EREG: variants seen among roughly 807,000 people sequenced by gnomAD.
The protein encoded by EREG is proepiregulin.
A neutral mutation model predicts 22.4 loss-of-function variants in EREG; 23 were observed. The observed-to-expected ratio is 1.03, with a 90% CI of 0.74 to 1.46. The LOEUF is 1.46. Among genes scored for constraint, EREG ranks in the 40% most tolerant of loss-of-function variants. The pLI is 0.00. For missense variants in EREG, 226 were observed against 205.9 expected (o/e 1.10, Z -0.60); for synonymous variants, 100 against 75.4 (o/e 1.33, Z -1.69).
chr4:74,375,705 G>A (rs1171836964), intron 1 of EREG, among the ~76,000 whole-genome samples: 1 of 151,972 alleles, frequency 6.6e-6, no homozygotes, highest in African/African-American at 2.4e-5. Context: ...TCATTGGATC[G>A]CATTCACTCT....
At chr4:74,376,295 C>T (rs956144937) in intron 1 of EREG, among the ~76,000 whole-genome samples, 3 of 152,106 alleles carry the variant, frequency 2.0e-5, no homozygotes, top group African/African-American at 7.2e-5. Context: ...TTTTTTCCCC[C>T]TGGCTAGCAT....
chr4:74,383,154 T>C (rs1262298473), intron 4 of EREG, among the ~76,000 whole-genome samples: 1 of 152,230 alleles, frequency 6.6e-6, no homozygotes, highest in Non-Finnish European at 1.5e-5. Context: ...ATAAGTCAAA[T>C]TGAGAGTATC....
Position 74,381,036 on chromosome 4 carries a change from T to C in EREG, c.177T>C (p.Arg59=). 2 of 1,613,676 alleles carry C rather than the reference T, an allele frequency of 1.2e-6. No homozygotes were observed. The highest frequency in any genetic ancestry group is 1.7e-6 in the Non-Finnish European group (2 of 1,179,784). ...CAGTTCAGACAGAAGACAATCCACGTGTGGCTCAAGTGTCAATAACAAAGT... is the reference window on the plus strand; with the variant it reads ...CAGTTCAGACAGAAGACAATCCACGCGTGGCTCAAGTGTCAATAACAAAGT... The part of the protein sequence containing the change: ...TALVQTEDNP[R]VAQVSITKCS... The change falls in exon 3 of 5, where the codon CGT becomes CGC. Residue 59 remains arginine (R), a synonymous_variant. Coordinates refer to ENST00000244869, the MANE Select transcript of EREG (RefSeq NM_001432.3).
intron 1 of EREG, 97 bp from the exon 2 acceptor site, chr4:74,379,351 C>T: frequency 1.4e-6 from 1 of 721,746 alleles, no homozygotes; most frequent in East Asian, 2.5e-5. Flanking sequence ...ATCTGTGAAA[C>T]AAAACAACTC....
intron 1 of EREG, among the ~76,000 whole-genome samples, chr4:74,373,642 ATAAG>A (rs1752330091): frequency 9.4e-6 from 1 of 106,044 alleles, no homozygotes; most frequent in Non-Finnish European, 2.0e-5. Context: ...ATATTTATAT[ATAAG>A]TAATATATGT....
chr4:74,368,247 C>T (rs545734475), intron 1 of EREG, among the ~76,000 whole-genome samples: 40 of 152,286 alleles, frequency 2.6e-4, no homozygotes, highest in African/African-American at 9.4e-4. Context: ...TAAAAGGTGA[C>T]TATTCTCTTA....
At position 74,365,218 on chromosome 4, in the gene EREG, A is replaced by C; in HGVS notation, c.-91A>C. ...CCTTCTAGGCTGACAGCCGCTCTCC[A>C]GCCACTGCCGCGAGCCCGTCTGCTC... On this transcript the variant is annotated 5_prime_UTR_variant, in exon 1 of 5. Coordinates refer to ENST00000244869, the MANE Select transcript of EREG (RefSeq NM_001432.3). The C allele has an allele frequency of 2.0e-6, 2 of 999,812 alleles. No individual in the cohort carries two copies. Among genetic ancestry groups the C allele is most frequent in the Non-Finnish European group, 3.1e-6 (2 of 652,364 alleles). 61.9% of individuals were successfully genotyped at this position (999,812 alleles called of 1,614,324 possible).
rs1373776892 is a variant in EREG at position 74,386,314 on chromosome 4, T to G, written c.*1506T>G. On this transcript the variant is annotated 3_prime_UTR_variant, in exon 5 of 5. Transcript: ENST00000244869. ...AAGGCATAATAAGCCATGGCTGACC[T>G]CTGGAGCACCAGGTGCCAGGACTTG... 1 of 152,958 alleles carries G rather than the reference T, an allele frequency of 6.5e-6. No individual in the cohort carries two copies. Among genetic ancestry groups the G allele is most frequent in the East Asian group, 1.9e-4 (1 of 5,218 alleles). 9.5% of individuals were successfully genotyped at this position (152,958 alleles called of 1,614,324 possible).
intron 1 of EREG, among the ~76,000 whole-genome samples, chr4:74,370,690 G>T (rs545852853): frequency 1.0e-3 from 152 of 152,218 alleles, no homozygotes; most frequent in Non-Finnish European, 7.1e-4. Flanking sequence ...AGGGGTTACT[G>T]AGCTATGATA....
intron 1 of EREG, among the ~76,000 whole-genome samples, chr4:74,378,826 C>T (rs889364597): frequency 6.6e-6 from 1 of 152,166 alleles, no homozygotes; most frequent in African/African-American, 2.4e-5. Context: ...TCAGACTCTT[C>T]CTATGCTGAT....
chr4:74,382,936 T>A (rs1654135677), intron 4 of EREG, 142 bp downstream of exon 4: 2 of 607,392 alleles, frequency 3.3e-6, no homozygotes, highest in South Asian at 2.7e-5. Context: ...GTTGAGAAAC[T>A]ATTAAGTATT....
At chr4:74,381,846 G>GC (rs1752480578) in intron 3 of EREG, 1 of 150,392 alleles carries the variant, frequency 6.6e-6, no homozygotes, top group East Asian at 2.0e-4. Flanking sequence ...TTAGCCAGGG[G>GC]TAGTGGCGGA....
In EREG at chr4:74,375,306, C is replaced by CTTT. The variant is rs71219383; in HGVS notation, c.68-4114_68-4112dup. Among the ~76,000 whole-genome samples the CTTT allele has an allele frequency of 3.6e-4, 22 of 61,048 alleles. 2 individuals are homozygous for CTTT. Among genetic ancestry groups the CTTT allele is most frequent in the Non-Finnish European group, 4.1e-4 (15 of 36,600 alleles). 40.0% of individuals were successfully genotyped at this position (61,048 alleles called of 152,430 possible). On this transcript the variant is annotated intron_variant, in intron 1 of 4. Coordinates refer to ENST00000244869, the MANE Select transcript of EREG (RefSeq NM_001432.3). Reference sequence around the variant, plus strand: ...CTCATTAAAGTAATGACTAGCGATTCTTTTTTTTTTTTTTTTTTTTTTTTT... The same window carrying CTTT: ...CTCATTAAAGTAATGACTAGCGATTCTTTTTTTTTTTTTTTTTTTTTTTTTTTT...
chr4:74,386,478 T>G lies in EREG; in HGVS notation c.*1670T>G, dbSNP rs1172213470. 1 of 152,242 alleles carries G rather than the reference T, an allele frequency of 6.6e-6. No individual in the cohort carries two copies. The highest frequency in any genetic ancestry group is 1.5e-5 in the Non-Finnish European group (1 of 68,040). 9.4% of individuals were successfully genotyped at this position (152,242 alleles called of 1,614,324 possible). On this transcript the variant is annotated 3_prime_UTR_variant, in exon 5 of 5. Transcript: ENST00000244869. ...TATATGGTCATATACATATTGTATA[T>G]ATATTCATATACAAACATGTATGTA...
rs751540177 is a variant in EREG, at chr4:74,381,129, C to G, written c.270C>G (p.Asn90Lys). The G allele has an allele frequency of 1.2e-6, 2 of 1,611,038 alleles. No homozygotes were observed. Among genetic ancestry groups the G allele is most frequent in the South Asian group, 2.2e-5 (2 of 90,136 alleles). The change falls in exon 3 of 5, where the codon AAC (asparagine) becomes AAG (lysine). Residue 90 changes from asparagine (N) to lysine (K), a missense_variant. Transcript: ENST00000244869. ...TCTATCTGGTGGACATGAGTCAAAA[C>G]TACTGCAGGTAATATGTCAGAAATA... Reference protein sequence around the residue: ...QCIYLVDMSQNYCRCEVGYTG... With the variant: ...QCIYLVDMSQKYCRCEVGYTG...
At chr4:74,376,331 T>A (rs1302548497) in intron 1 of EREG, among the ~76,000 whole-genome samples, 2 of 152,182 alleles carry the variant, frequency 1.3e-5, no homozygotes, top group African/African-American at 4.8e-5. Flanking sequence ...ATTGGTAATG[T>A]CTCCTCCAAA....
chr4:74,365,429 A>C, intron 1 of EREG, 54 bp downstream of exon 1: 1 of 1,518,030 alleles, frequency 6.6e-7, no homozygotes, highest in Non-Finnish European at 9.1e-7. Context: ...CAAATAAGGA[A>C]GGCTCCTGTG....
rs1489408099 is a variant in EREG, at chr4:74,365,270, C to A, written c.-39C>A. 2.6e-6 allele frequency: 4 copies of A among 1,555,480 alleles called. No individual in the cohort carries two copies. The highest frequency in any genetic ancestry group is 1.3e-5 in the African/African-American group (1 of 74,156). ...CGCCCTGCCCGTGCACTCTCCGCAG[C>A]CGCCCTCCGCCAAGCCCCAGCGCCC... On this transcript the variant is annotated 5_prime_UTR_variant, in exon 1 of 5. Transcript: ENST00000244869.
chr4:74,376,395 C>G (rs558733851), intron 1 of EREG, among the ~76,000 whole-genome samples: 1 of 152,146 alleles, frequency 6.6e-6, no homozygotes, highest in Non-Finnish European at 1.5e-5. Context: ...GATGTAAGCA[C>G]GTGCAACTAA....
Sources: allele counts gnomAD v4.1 joint callset (sites outside exome capture counted in the v4.1 genomes callset), GRCh38; gene constraint gnomAD v4.1.1; transcripts MANE v1.5; gene names NCBI Gene and HGNC (gene_info 2026-07-23, HGNC 2026-07-21).